The following DHPS variants were observed in gnomAD, a reference collection of about 807,000 sequenced individuals.
The protein encoded by DHPS is deoxyhypusine synthase.
Under a neutral mutation model 38.7 loss-of-function variants are expected in DHPS, and 24 were observed. The ratio of observed to expected loss-of-function variants is 0.62; its 90% CI spans 0.45 to 0.87. DHPS has a LOEUF of 0.87. Ranked by LOEUF, DHPS falls within the 40% of genes least tolerant of loss-of-function variation. The pLI is 0.00. For missense variants in DHPS, 510 were observed against 497.6 expected (o/e 1.02, Z -0.24); for synonymous variants, 250 against 204.4 (o/e 1.22, Z -1.90).
chr19:12,673,387 C>A, downstream of DHPS: 1 of 808,742 alleles, frequency 1.2e-6, no homozygotes, highest in Non-Finnish European at 2.1e-6. Flanking sequence ...ACCTCAGTCA[C>A]TCCAGGGCCT....
chr19:12,680,059 C>G, intron 2 of DHPS, 102 bp downstream of exon 2: 2 of 1,555,026 alleles, frequency 1.3e-6, no homozygotes, highest in South Asian at 1.2e-5. Context: ...TTCTATTCCT[C>G]TGCTTATAAC....
chr19:12,677,269 C>G, intron 6 of DHPS, 22 bp downstream of exon 6: 1 of 1,613,994 alleles, frequency 6.2e-7, no homozygotes, highest in Admixed American at 1.7e-5. Context: ...TTCCCCTCTC[C>G]TCTGTGGCCC....
chr19:12,673,000 C>T, downstream of DHPS: 1 of 1,606,224 alleles, frequency 6.2e-7, no homozygotes, highest in Non-Finnish European at 8.5e-7. Flanking sequence ...ACCCACCCTT[C>T]CCCCAAGGCC....
Position 12,681,607 on chromosome 19 carries a change from A to G in DHPS, c.160T>C (p.Phe54Leu). The part of the protein sequence containing the change: ...ALLEAFGTTG[F>L]QATNFGRAVQ... Reference sequence around the variant, plus strand: ...GCGCGCCCGAAGTTGGTTGCTTGGAAGCCGGTGGTGCCGAAGGCCTCCAGC... The same window carrying G: ...GCGCGCCCGAAGTTGGTTGCTTGGAGGCCGGTGGTGCCGAAGGCCTCCAGC... Residue 54 changes from phenylalanine to leucine, a missense_variant, in exon 1 of 9, where the codon TTC becomes CTC. Coordinates refer to ENST00000210060, the MANE Select transcript of DHPS (RefSeq NM_001930.4). 1 of 1,614,214 alleles carries G rather than the reference A, an allele frequency of 6.2e-7. No homozygotes were observed. Among genetic ancestry groups the G allele is most frequent in the Non-Finnish European group, 8.5e-7 (1 of 1,180,040 alleles).
rs577708333 is a variant in DHPS at position 12,681,617 on chromosome 19, G to T, written c.150C>A (p.Gly50=). 10 of 1,614,222 alleles carry T rather than the reference G, an allele frequency of 6.2e-6. No homozygotes were observed. In the South Asian group the frequency reaches 1.1e-4, roughly 18 times the overall value. The part of the protein sequence containing the change: ...VNYRALLEAF[G]TTGFQATNFG... ...AGTTGGTTGCTTGGAAGCCGGTGGT[G>T]CCGAAGGCCTCCAGCAGTGCGCGGT... The change falls in exon 1 of 9, where the codon GGC becomes GGA. Residue 50 remains glycine, a synonymous_variant. Transcript: ENST00000210060.
downstream of DHPS, chr19:12,673,363 T>C: frequency 1.5e-6 from 2 of 1,341,142 alleles, no homozygotes; most frequent in Non-Finnish European, 2.1e-6. Flanking sequence ...CTGCCCCATC[T>C]CAGCCCTGTC....
intron 1 of DHPS, 99 bp downstream of exon 1, chr19:12,681,461 A>G: frequency 7.3e-7 from 1 of 1,375,176 alleles, no homozygotes; most frequent in Non-Finnish European, 1.0e-6. Context: ...CAAATAAAAG[A>G]CATATCCCCT....
At chr19:12,678,505 C>T (rs2024689903) in intron 5 of DHPS, among the ~76,000 whole-genome samples, 1 of 151,772 alleles carries the variant, frequency 6.6e-6, no homozygotes, top group Admixed American at 6.6e-5. Flanking sequence ...TGTGGTGGCT[C>T]ACCCCTGTAA....
At chr19:12,673,960 A>G (rs958296500), downstream of DHPS, among the ~76,000 whole-genome samples, 2 of 152,160 alleles carry the variant, frequency 1.3e-5, no homozygotes, top group Non-Finnish European at 2.9e-5. Flanking sequence ...TCGGCCTCCC[A>G]AAGTGCTGGG....
At chr19:12,678,951 G>A (rs1599382631) in intron 5 of DHPS, among the ~76,000 whole-genome samples, 2 of 151,536 alleles carry the variant, frequency 1.3e-5, no homozygotes, top group East Asian at 3.9e-4. Flanking sequence ...AGTCTGGGAG[G>A]AGCATAAGGA....
In DHPS at chr19:12,681,573, T is replaced by C. The variant is rs1439909341; in HGVS notation, c.194A>G (p.Gln65Arg). ...CCCGGTCCTCACCATGGCATTGACT[T>C]GCTGTACAGCGCGCCCGAAGTTGGT... Reference protein sequence around the residue: ...QATNFGRAVQQVNAMIEKKLE... With the variant: ...QATNFGRAVQRVNAMIEKKLE... Residue 65 changes from glutamine to arginine, a missense_variant, in exon 1 of 9, where the codon CAA (glutamine) becomes CGA (arginine). Transcript: ENST00000210060. 2 of 1,614,152 alleles carry C rather than the reference T, an allele frequency of 1.2e-6. No homozygotes were observed. Among genetic ancestry groups the C allele is most frequent in the Non-Finnish European group, 8.5e-7 (1 of 1,180,054 alleles).
rs1022312729 is a variant in DHPS at position 12,676,108 on chromosome 19, G to A, written c.923C>T (p.Thr308Ile). 6.8e-6 allele frequency: 11 copies of A among 1,613,760 alleles called. No individual in the cohort carries two copies. The highest frequency in any genetic ancestry group is 7.6e-6 in the Non-Finnish European group (9 of 1,179,940). Residue 308 changes from threonine to isoleucine, a missense_variant, in exon 8 of 9, where the codon ACA (threonine) becomes ATA (isoleucine). Transcript: ENST00000210060. The stretch of plus-strand genomic sequence containing the variant: ...GTCAGAGCCATCAAACTCCTGGGCT[G>A]TGTTGATGTAAACAGCGTAGTCGGC... ...NGADYAVYIN[T>I]AQEFDGSDSG...
At chr19:12,677,263 CCT>C (rs1252241478) in intron 6 of DHPS, 26 bp downstream of exon 6, 2 of 1,613,942 alleles carry the variant, frequency 1.2e-6, no homozygotes, top group African/African-American at 2.7e-5. Context: ...CCCTCCTTCC[CCT>C]CTCCTCTGTG....
intron 7 of DHPS, 136 bp from the exon 8 acceptor site, chr19:12,676,278 A>T: frequency 8.8e-7 from 1 of 1,135,534 alleles, no homozygotes. Context: ...TCGCTCCCAG[A>T]CAGGGCCCAT....
At chr19:12,678,978 G>C (rs1036441659) in intron 5 of DHPS, among the ~76,000 whole-genome samples, 2 of 151,510 alleles carry the variant, frequency 1.3e-5, no homozygotes, top group African/African-American at 2.4e-5. Flanking sequence ...GGCCCCACTA[G>C]TTATCTGTGT....
intron 1 of DHPS, chr19:12,681,020 G>C (rs1374307866): frequency 1.4e-6 from 1 of 707,414 alleles, no homozygotes; most frequent in African/African-American, 2.0e-5. Context: ...TTTTAGTAGA[G>C]ACAGGGTTTC....
intron 8 of DHPS, 39 bp downstream of exon 8, chr19:12,675,978 C>T (rs538535283): frequency 4.4e-6 from 7 of 1,606,758 alleles, no homozygotes; most frequent in African/African-American, 2.7e-5. Context: ...CCACACTCAT[C>T]GTCCCAGAGA....
chr19:12,672,713 G>A (rs1176312076), downstream of DHPS: 3 of 915,638 alleles, frequency 3.3e-6, no homozygotes, highest in East Asian at 2.7e-5. Context: ...CTGGGCCTGA[G>A]TCTCAAGGCC....
intron 5 of DHPS, among the ~76,000 whole-genome samples, chr19:12,678,173 G>T (rs905150110): frequency 1.3e-5 from 2 of 151,686 alleles, no homozygotes; most frequent in African/African-American, 4.8e-5. Context: ...CAGGAGAATT[G>T]CTTGAACCCA....
Sources: gnomAD v4.1 joint callset for allele counts (sites outside exome capture counted in the v4.1 genomes callset) on GRCh38, gnomAD v4.1.1 for gene constraint, MANE v1.5 for transcripts, NCBI Gene and HGNC (gene_info 2026-07-23, HGNC 2026-07-21) for gene names.